HTT-AS: variants seen among roughly 807,000 people sequenced by gnomAD.
The protein encoded by HTT-AS is HTT antisense RNA (head to head).
rs115999695 is a variant in HTT-AS at position 3,050,241 on chromosome 4, T to A, written n.1381-543A>T. On this transcript the variant is annotated intron_variant and non_coding_transcript_variant, in intron 2 of 2. Coordinates refer to ENST00000664062, the Ensembl canonical transcript of HTT-AS. ...CTCCAAATTAGGTGCATTGCACGGATAACTGATGGGTTATCACAGGTAATT... is the reference window on the plus strand; with the variant it reads ...CTCCAAATTAGGTGCATTGCACGGAAAACTGATGGGTTATCACAGGTAATT... Among the ~76,000 whole-genome samples the A allele has an allele frequency of 1.1e-3, 175 of 152,374 alleles. 1 individual carries two copies. Among genetic ancestry groups the A allele is most frequent in the African/African-American group, 4.1e-3 (170 of 41,586 alleles).
At chr4:3,069,822 C>T (rs1043528824) in intron 1 of HTT-AS, among the ~76,000 whole-genome samples, 14 of 152,160 alleles carry the variant, frequency 9.2e-5, no homozygotes, top group Non-Finnish European at 1.6e-4. Flanking sequence ...CCTGTTTTGC[C>T]CTCACACCTG....
At chr4:3,048,870 C>G (rs1711649261), downstream of HTT-AS, among the ~76,000 whole-genome samples, 1 of 152,200 alleles carries the variant, frequency 6.6e-6, no homozygotes, top group Admixed American at 6.5e-5. Context: ...TGGCAATGCC[C>G]TCTTTAACCC....
Position 3,052,338 on chromosome 4 carries a change from T to A in HTT-AS, n.1381-2640A>T, listed in dbSNP as rs574263528. On this transcript the variant is annotated intron_variant and non_coding_transcript_variant, in intron 2 of 2. Coordinates refer to ENST00000664062, the Ensembl canonical transcript of HTT-AS. The stretch of plus-strand genomic sequence containing the variant: ...TGGGTAATAAGCAATTTAAAAGAAC[T>A]TTTATTAAAGAGTGCAATGGTTAAA... 4.6e-5 allele frequency among the ~76,000 whole-genome samples: 7 copies of A among 152,292 alleles called. No individual in the cohort carries two copies. In the East Asian group the frequency reaches 1.2e-3, roughly 25 times the overall value.
At chr4:3,067,208 T>C (rs1712073096) in intron 1 of HTT-AS, among the ~76,000 whole-genome samples, 1 of 151,934 alleles carries the variant, frequency 6.6e-6, no homozygotes, top group South Asian at 2.1e-4. Context: ...GGCCAAGGAA[T>C]GGAAAATGCA....
chr4:3,069,070 A>T (rs1389379496), intron 1 of HTT-AS, among the ~76,000 whole-genome samples: 1 of 152,062 alleles, frequency 6.6e-6, no homozygotes, highest in Non-Finnish European at 1.5e-5. Context: ...AAGAGAATAG[A>T]TTTACGTTAG....
At chr4:3,065,639 A>G (rs1712033466) in intron 1 of HTT-AS, among the ~76,000 whole-genome samples, 1 of 152,218 alleles carries the variant, frequency 6.6e-6, no homozygotes, top group Non-Finnish European at 1.5e-5. Context: ...CTAACCTACC[A>G]AACATCATAG....
At chr4:3,061,874 C>T (rs376170952) in intron 2 of HTT-AS, among the ~76,000 whole-genome samples, 7 of 150,334 alleles carry the variant, frequency 4.7e-5, no homozygotes, top group East Asian at 4.0e-4. Context: ...CCCAGCTACT[C>T]GGCAGGCTGA....
At chr4:3,068,321 AAAAAAAAAAAAAG>A (rs1436208930) in intron 1 of HTT-AS, among the ~76,000 whole-genome samples, 3 of 150,542 alleles carry the variant, frequency 2.0e-5, no homozygotes, top group African/African-American at 7.3e-5. Context: ...AAAAAAAAAA[AAAAAAAAAAAAAG>A]GGTGACGAAG....
chr4:3,056,370 T>C (rs768758477), intron 2 of HTT-AS, among the ~76,000 whole-genome samples: 1 of 152,154 alleles, frequency 6.6e-6, no homozygotes. Flanking sequence ...GGTACAGAAA[T>C]AGCTGGTTGG....
In HTT-AS at chr4:3,062,460, C is replaced by T. The variant is rs188259072; in HGVS notation, n.1354G>A. Among the ~76,000 whole-genome samples the T allele has an allele frequency of 3.6e-3, 541 of 152,250 alleles. 2 individuals are homozygous for T. The highest frequency in any genetic ancestry group is 0.012 in the African/African-American group (481 of 41,554). ...TGGCCTTGGAGGTCTGGTGTGAGCC[C>T]GGACTTCGATTCTAGGCACAGCATG... On this transcript the variant is annotated non_coding_transcript_exon_variant, in exon 2 of 3. Transcript: ENST00000664062.
intron 2 of HTT-AS, among the ~76,000 whole-genome samples, chr4:3,057,455 G>C (rs1711829245): frequency 6.6e-6 from 1 of 152,026 alleles, no homozygotes; most frequent in Non-Finnish European, 1.5e-5. Flanking sequence ...ACTGGAAAGG[G>C]GTCCCAATGC....
At chr4:3,074,540 G>A (rs1005192365), upstream of HTT-AS, 5 of 322,348 alleles carry the variant, frequency 1.6e-5, no homozygotes, top group African/African-American at 8.7e-5. Context: ...TGCGGGGGCA[G>A]GGGCGGGCTG....
intron 2 of HTT-AS, among the ~76,000 whole-genome samples, chr4:3,061,719 C>T (rs1377286702): frequency 6.8e-6 from 1 of 148,126 alleles, no homozygotes; most frequent in Non-Finnish European, 1.5e-5. Flanking sequence ...AAGTGGCTCA[C>T]GCCTGTAATC....
chr4:3,073,962 G>A (rs1442091091), intron 1 of HTT-AS, among the ~76,000 whole-genome samples: 5 of 152,120 alleles, frequency 3.3e-5, no homozygotes. Flanking sequence ...GCGTCGGCGG[G>A]GGATCCTTTC....
intron 1 of HTT-AS, among the ~76,000 whole-genome samples, chr4:3,068,305 CAAAAA>C (rs759119862): frequency 7.6e-5 from 1 of 13,076 alleles, no homozygotes; most frequent in Non-Finnish European, 1.8e-4. Context: ...GACTCTGTCT[CAAAAA>C]AAAAAAAAAA....
exon 3 of HTT-AS, among the ~76,000 whole-genome samples, chr4:3,049,194 T>C (rs1229158789): frequency 1.3e-5 from 2 of 151,980 alleles, no homozygotes; most frequent in Non-Finnish European, 2.9e-5. Flanking sequence ...GAGGCCGAGG[T>C]GGGCGGATCA....
downstream of HTT-AS, among the ~76,000 whole-genome samples, chr4:3,047,000 T>A (rs954514007): frequency 1.7e-4 from 26 of 152,072 alleles, no homozygotes; most frequent in Non-Finnish European, 3.5e-4. Context: ...TAATAAAAAA[T>A]ATATATATAG....
At chr4:3,058,098 G>C (rs1026175734) in intron 2 of HTT-AS, among the ~76,000 whole-genome samples, 1 of 151,760 alleles carries the variant, frequency 6.6e-6, no homozygotes, top group African/African-American at 2.4e-5. Flanking sequence ...AGGCCAAGGC[G>C]GGCAGATGAC....
At chr4:3,063,032 G>A (rs61791252) in exon 2 of HTT-AS, among the ~76,000 whole-genome samples, 10,106 of 152,158 alleles carry the variant, frequency 0.066, 431 homozygotes, top group African/African-American at 0.12. Flanking sequence ...CCTCCCTGGG[G>A]TTGGAGCCTT....
Sources: allele counts gnomAD v4.1 joint callset (sites outside exome capture counted in the v4.1 genomes callset), GRCh38; gene constraint gnomAD v4.1.1; transcripts MANE v1.5; gene names NCBI Gene and HGNC (gene_info 2026-07-23, HGNC 2026-07-21).